The following ARHGAP6 variants were observed in gnomAD, a reference collection of about 807,000 sequenced individuals.
The protein encoded by ARHGAP6 is Rho GTPase activating protein 6.
In ARHGAP6, 16 loss-of-function variants were observed where a neutral mutation model predicts 55.7. That is an observed-to-expected ratio of 0.29 (90% confidence interval 0.19 to 0.44). The LOEUF (loss-of-function observed/expected upper bound fraction) is 0.44. Among genes scored for constraint, ARHGAP6 ranks in the 20% least tolerant of loss-of-function variants. ARHGAP6 has a pLI of 1.00. For missense variants in ARHGAP6, 698 were observed against 808.9 expected (o/e 0.86, Z 1.66); for synonymous variants, 382 against 360.9 (o/e 1.06, Z -0.66).
chrX:11,373,603 T>G (rs1323723217), intron 1 of ARHGAP6, among the ~76,000 whole-genome samples: 1 of 111,813 alleles, frequency 8.9e-6, no homozygotes, highest in East Asian at 2.8e-4. Context: ...AATGTGACAT[T>G]CTGAGGGGCA....
At chrX:11,554,377 T>C (rs751507509) in intron 1 of ARHGAP6, among the ~76,000 whole-genome samples, 7 of 111,827 alleles carry the variant, frequency 6.3e-5, no homozygotes, top group Non-Finnish European at 1.9e-5. Context: ...TAAGGTTCGA[T>C]AGCAGAGTAC....
chrX:11,197,050 C>T (rs1280594927), intron 2 of ARHGAP6, 54 bp from the exon 3 acceptor site: 1 of 611,501 alleles, frequency 1.6e-6, no homozygotes, highest in Non-Finnish European at 2.6e-6. Context: ...TGATATTTTA[C>T]AGTATCGATA....
At chrX:11,582,134 A>G (rs948069199) in intron 1 of ARHGAP6, among the ~76,000 whole-genome samples, 1 of 110,837 alleles carries the variant, frequency 9.0e-6, no homozygotes, top group Non-Finnish European at 1.9e-5. Flanking sequence ...TATTATTATC[A>G]CATTTTTACA....
intron 1 of ARHGAP6, among the ~76,000 whole-genome samples, chrX:11,495,371 C>A (rs986381738): frequency 1.8e-5 from 2 of 111,936 alleles, no homozygotes; most frequent in African/African-American, 6.5e-5. Flanking sequence ...GACACACAAC[C>A]CAATCCTGAT....
At chrX:11,486,936 C>T (rs938292884) in intron 1 of ARHGAP6, among the ~76,000 whole-genome samples, 2 of 111,351 alleles carry the variant, frequency 1.8e-5, no homozygotes, top group East Asian at 2.8e-4. Context: ...GCAAAGCATC[C>T]GTGTAGGGAT....
intron 7 of ARHGAP6, 67 bp from the exon 8 acceptor site, chrX:11,178,315 G>T: frequency 9.3e-7 from 1 of 1,072,029 alleles, no homozygotes; most frequent in Admixed American, 3.1e-5. Flanking sequence ...CAGAGGAAAG[G>T]CCTCCTCTCA....
At chrX:11,659,633 T>G (rs1209454554) in intron 1 of ARHGAP6, among the ~76,000 whole-genome samples, 4 of 111,647 alleles carry the variant, frequency 3.6e-5, no homozygotes, top group South Asian at 7.6e-4. Context: ...AATAATGAGA[T>G]TATCCTGGAT....
chrX:11,623,994 G>C (rs2052263690), intron 1 of ARHGAP6, among the ~76,000 whole-genome samples: 3 of 111,438 alleles, frequency 2.7e-5, no homozygotes, highest in African/African-American at 9.8e-5. Context: ...CAAAGCTATA[G>C]CAACCAAGCG....
At chrX:11,476,042 G>C (rs1343446640) in intron 1 of ARHGAP6, among the ~76,000 whole-genome samples, 1 of 110,154 alleles carries the variant, frequency 9.1e-6, no homozygotes, top group African/African-American at 3.3e-5. Context: ...GTGTTACAAG[G>C]CAATCAAAAG....
At chrX:11,330,357 T>A (rs1201564349) in intron 1 of ARHGAP6, among the ~76,000 whole-genome samples, 1 of 112,531 alleles carries the variant, frequency 8.9e-6, no homozygotes, top group Non-Finnish European at 1.9e-5. Flanking sequence ...ATCAGCTCGA[T>A]TTAATCATTC....
chrX:11,398,165 T>C (rs2049501562), intron 1 of ARHGAP6, among the ~76,000 whole-genome samples: 1 of 108,920 alleles, frequency 9.2e-6, no homozygotes, highest in Admixed American at 9.9e-5. Flanking sequence ...GGGATAATAA[T>C]TGTATATGTT....
intron 1 of ARHGAP6, among the ~76,000 whole-genome samples, chrX:11,493,576 C>T (rs2050592848): frequency 9.0e-6 from 1 of 111,453 alleles, no homozygotes; most frequent in South Asian, 3.7e-4. Flanking sequence ...TTTGTGTTAC[C>T]AACTGCCAGT....
intron 1 of ARHGAP6, among the ~76,000 whole-genome samples, chrX:11,516,046 G>A (rs1444086133): frequency 8.9e-6 from 1 of 112,335 alleles, no homozygotes; most frequent in African/African-American, 3.2e-5. Flanking sequence ...TCAATCTACT[G>A]TGGCTACTCC....
chrX:11,572,404 G>T (rs751490104), intron 1 of ARHGAP6, among the ~76,000 whole-genome samples: 2 of 108,198 alleles, frequency 1.8e-5, no homozygotes, highest in Non-Finnish European at 3.8e-5. Flanking sequence ...TGTTCTCATT[G>T]TTCAATTTCC....
rs1358890012 is a variant in ARHGAP6, at chrX:11,188,970, C to T, written c.835G>A (p.Ala279Thr). 2 of 1,206,682 alleles carry T rather than the reference C, an allele frequency of 1.7e-6. No homozygotes were observed. The highest frequency in any genetic ancestry group is 5.9e-5 in the East Asian group (2 of 33,690). Residue 279 changes from alanine (A) to threonine (T), a missense_variant, in exon 4 of 13, where the codon GCA becomes ACA. This residue lies in a region of ARHGAP6 where 322 missense variants were observed against 451.1 expected (regional missense o/e 0.71). Coordinates refer to ENST00000337414, the MANE Select transcript of ARHGAP6 (RefSeq NM_013427.3). ...ACTTGGGATAAGGGCATTCCAAATG[C>T]CTGTGGGATGAATTCTGGAATCAAA... ...KNKDKEFIPQ[A>T]FGMPLSQVIA...
chrX:11,389,323 A>C (rs1457455803), intron 1 of ARHGAP6, among the ~76,000 whole-genome samples: 1 of 112,359 alleles, frequency 8.9e-6, no homozygotes, highest in Non-Finnish European at 1.9e-5. Flanking sequence ...CTTTCAACCG[A>C]AACACAAATA....
chrX:11,400,374 T>A (rs891838509), intron 1 of ARHGAP6, among the ~76,000 whole-genome samples: 11 of 109,430 alleles, frequency 1.0e-4, no homozygotes, highest in Non-Finnish European at 2.1e-4. Flanking sequence ...TGGATTTAGG[T>A]TTAAGGAGGG....
chrX:11,292,891 A>G (rs1226013831), intron 1 of ARHGAP6, among the ~76,000 whole-genome samples: 5 of 111,827 alleles, frequency 4.5e-5, no homozygotes, highest in Non-Finnish European at 7.5e-5. Context: ...AATACCTTCA[A>G]TGGAAGCAGA....
Position 11,567,572 on chromosome X carries a change from T to TATATATATAC in ARHGAP6, c.588+96668_588+96669insGTATATATAT, listed in dbSNP as rs1410360294. Reference sequence around the variant, plus strand: ...CCATCTCAAAAAAAAAAAAAATATATATATATATTTGCCTCAGAGTTGTCC... The same window carrying TATATATATAC: ...CCATCTCAAAAAAAAAAAAAATATATATATATATACATATATATTTGCCTCAGAGTTGTCC... On this transcript the variant is annotated intron_variant, in intron 1 of 12. Transcript: ENST00000337414. Among the ~76,000 whole-genome samples, 69 of 83,682 alleles carry TATATATATAC rather than the reference T, an allele frequency of 8.2e-4. 1 individual carries two copies. The highest frequency in any genetic ancestry group is 1.5e-3 in the Non-Finnish European group (60 of 41,288). The allele number at this position is 83,682 out of a possible 115,157, so 72.7% of individuals were successfully genotyped here. A position where few individuals can be genotyped will look rare whatever the true frequency, so the allele number is the denominator to read the frequency against.
Sources: allele counts gnomAD v4.1 joint callset (sites outside exome capture counted in the v4.1 genomes callset), GRCh38; gene constraint gnomAD v4.1.1; regional missense constraint gnomAD v4.1.1; transcripts MANE v1.5; gene names NCBI Gene and HGNC (gene_info 2026-07-23, HGNC 2026-07-21).